Variants in GPC6 observed in about 807,000 individuals in gnomAD.
The protein encoded by GPC6 is glypican 6.
In GPC6, 14 loss-of-function variants were observed where a neutral mutation model predicts 55.2. The observed-to-expected ratio is 0.25, with a 90% CI of 0.17 to 0.40. GPC6 has a LOEUF of 0.40. Among genes scored for constraint, GPC6 ranks in the 10% least tolerant of loss-of-function variants. GPC6 has a pLI of 1.00. For missense variants in GPC6, 641 were observed against 708.5 expected, an observed-to-expected ratio of 0.90 and a Z score of 1.08; for synonymous variants, 278 against 259.6, an observed-to-expected ratio of 1.07 and a Z score of -0.68.
chr13:93,444,620 A>T (rs1365135682), intron 1 of GPC6, among the ~76,000 whole-genome samples: 2 of 152,178 alleles, frequency 1.3e-5, no homozygotes, highest in Admixed American at 1.3e-4. Flanking sequence ...ACAAACAACA[A>T]CAACAACAAT....
intron 4 of GPC6, among the ~76,000 whole-genome samples, chr13:94,088,015 T>C (rs949587033): frequency 7.2e-5 from 11 of 152,204 alleles, no homozygotes; most frequent in Non-Finnish European, 1.3e-4. Context: ...ATGAGCATTT[T>C]CCTAATGCTG....
chr13:93,605,808 C>T (rs1878213937), intron 2 of GPC6, among the ~76,000 whole-genome samples: 1 of 145,142 alleles, frequency 6.9e-6, no homozygotes, highest in Admixed American at 7.0e-5. Flanking sequence ...TGCCACTGCA[C>T]TCCAGCCTGG....
At chr13:94,332,298 C>T (rs528696844) in intron 6 of GPC6, among the ~76,000 whole-genome samples, 5 of 152,128 alleles carry the variant, frequency 3.3e-5, no homozygotes, top group Non-Finnish European at 7.3e-5. Context: ...TTCAGCTGAA[C>T]TGTAGTAATT....
intron 1 of GPC6, among the ~76,000 whole-genome samples, chr13:93,503,450 T>A (rs939344286): frequency 6.6e-6 from 1 of 152,214 alleles, no homozygotes; most frequent in Non-Finnish European, 1.5e-5. Flanking sequence ...GTTATTTTCA[T>A]ATTTCACTTT....
chr13:93,794,691 A>G (rs1050674418), intron 2 of GPC6, among the ~76,000 whole-genome samples: 1 of 152,166 alleles, frequency 6.6e-6, no homozygotes, highest in Admixed American at 6.5e-5. Context: ...CAGGGGGGAT[A>G]CTAATATGTT....
intron 1 of GPC6, among the ~76,000 whole-genome samples, chr13:93,435,195 T>A (rs1877521719): frequency 6.6e-6 from 1 of 152,090 alleles, no homozygotes; most frequent in South Asian, 2.1e-4. Flanking sequence ...GCTCACTACA[T>A]CTTTGATCTC....
intron 3 of GPC6, among the ~76,000 whole-genome samples, chr13:93,986,114 T>A (rs1009803948): frequency 1.2e-4 from 19 of 152,128 alleles, no homozygotes; most frequent in African/African-American, 4.3e-4. Context: ...AAAACAAAAA[T>A]TTAAATGTTG....
intron 6 of GPC6, 189 bp downstream of exon 6, chr13:94,306,312 G>T: frequency 4.3e-6 from 3 of 700,152 alleles, no homozygotes; most frequent in Admixed American, 4.2e-5. Flanking sequence ...GATTATTTAA[G>T]AAATCTATTA....
chr13:94,383,578 A>G (rs961155417), intron 7 of GPC6, among the ~76,000 whole-genome samples: 3 of 152,212 alleles, frequency 2.0e-5, no homozygotes, highest in Non-Finnish European at 4.4e-5. Context: ...AAAAATAAAT[A>G]TAAATCTTTG....
chr13:94,376,660 A>T (rs1879872439), intron 6 of GPC6, among the ~76,000 whole-genome samples: 1 of 152,132 alleles, frequency 6.6e-6, no homozygotes, highest in South Asian at 2.1e-4. Context: ...ATCCCCATCA[A>T]GCTACCAATG....
chr13:93,553,694 C>CAAAA (rs34521652), intron 2 of GPC6, among the ~76,000 whole-genome samples: 9 of 56,638 alleles, frequency 1.6e-4, no homozygotes, highest in African/African-American at 2.0e-4. Context: ...GACTCCATCT[C>CAAAA]AAAAAAAAAA....
intron 6 of GPC6, among the ~76,000 whole-genome samples, chr13:94,379,629 T>C (rs551255386): frequency 6.6e-6 from 1 of 152,284 alleles, no homozygotes; most frequent in East Asian, 1.9e-4. Flanking sequence ...ATGGGACAAT[T>C]CAATCCATTA....
At chr13:93,622,024 A>C (rs1031945079) in intron 2 of GPC6, among the ~76,000 whole-genome samples, 1 of 152,036 alleles carries the variant, frequency 6.6e-6, no homozygotes, top group Admixed American at 6.6e-5. Flanking sequence ...TGCCACCCAG[A>C]CACCCTTCCC....
chr13:93,784,233 T>A (rs551789744), intron 2 of GPC6, among the ~76,000 whole-genome samples: 1 of 152,330 alleles, frequency 6.6e-6, no homozygotes, highest in East Asian at 1.9e-4. Context: ...ACAGGTTGTC[T>A]GGGGTTTGAG....
At chr13:93,864,249 C>T (rs1233847322) in intron 3 of GPC6, among the ~76,000 whole-genome samples, 1 of 151,646 alleles carries the variant, frequency 6.6e-6, no homozygotes, top group East Asian at 2.0e-4. Context: ...AACTGCCTTT[C>T]TCTTTCTTCC....
intron 2 of GPC6, among the ~76,000 whole-genome samples, chr13:93,565,931 A>T (rs1566426945): frequency 2.7e-5 from 2 of 73,076 alleles, no homozygotes; most frequent in East Asian, 7.1e-4. Context: ...CAAAACAAAC[A>T]AACAAAAAAA....
intron 1 of GPC6, among the ~76,000 whole-genome samples, chr13:93,264,797 T>A (rs1877269060): frequency 6.6e-6 from 1 of 152,162 alleles, no homozygotes; most frequent in Non-Finnish European, 1.5e-5. Context: ...AATTGTATTA[T>A]TTTTTATGAT....
At chr13:94,237,065 A>G (rs1890901453) in intron 4 of GPC6, among the ~76,000 whole-genome samples, 1 of 152,150 alleles carries the variant, frequency 6.6e-6, no homozygotes, top group South Asian at 2.1e-4. Context: ...AGGACAGGAA[A>G]CAAGATGCAA....
chr13:94,152,007 C>T (rs1427439798), intron 4 of GPC6, among the ~76,000 whole-genome samples: 2 of 151,916 alleles, frequency 1.3e-5, no homozygotes, highest in African/African-American at 2.4e-5. Context: ...AGGATAAGCA[C>T]TGAACAGAGC....
Sources: gnomAD v4.1 joint callset for allele counts (sites outside exome capture counted in the v4.1 genomes callset) on GRCh38, gnomAD v4.1.1 for gene constraint, MANE v1.5 for transcripts, NCBI Gene and HGNC (gene_info 2026-07-23, HGNC 2026-07-21) for gene names.